OLA1: variants seen among roughly 807,000 people sequenced by gnomAD.
The protein encoded by OLA1 is obg-like ATPase 1.
Under a neutral mutation model 48.4 loss-of-function variants are expected in OLA1, and 14 were observed. That is an observed-to-expected ratio of 0.29 (90% confidence interval 0.19 to 0.45). The LOEUF (loss-of-function observed/expected upper bound fraction) is 0.45. Ranked by LOEUF, OLA1 falls within the 20% of genes least tolerant of loss-of-function variation. The pLI, the probability that OLA1 is intolerant of heterozygous loss-of-function variation, is 1.00. For missense variants in OLA1, 325 were observed against 467.1 expected, an observed-to-expected ratio of 0.70 and a Z score of 2.80; for synonymous variants, 127 against 150.4, an observed-to-expected ratio of 0.84 and a Z score of 1.14.
intron 2 of OLA1, among the ~76,000 whole-genome samples, chr2:174,229,906 T>C (rs1688691407): frequency 6.6e-6 from 1 of 152,214 alleles, no homozygotes; most frequent in Non-Finnish European, 1.5e-5. Context: ...ATGTCTGGTA[T>C]CTGATAGGAA....
At chr2:174,162,167 A>T (rs1558983612) in intron 4 of OLA1, among the ~76,000 whole-genome samples, 2 of 152,218 alleles carry the variant, frequency 1.3e-5, no homozygotes, top group African/African-American at 4.8e-5. Flanking sequence ...TACATTCAGG[A>T]CACAGAGTAA....
At chr2:174,188,723 T>C (rs1185822355) in intron 4 of OLA1, among the ~76,000 whole-genome samples, 1 of 152,188 alleles carries the variant, frequency 6.6e-6, no homozygotes, top group African/African-American at 2.4e-5. Context: ...TTCTGATGGT[T>C]TGACATATAC....
chr2:174,138,863 G>C (rs191796465), intron 5 of OLA1, among the ~76,000 whole-genome samples: 15 of 152,280 alleles, frequency 9.9e-5, no homozygotes, highest in African/African-American at 3.4e-4. Flanking sequence ...TTTTTACTCA[G>C]ATGTTTTCAG....
At chr2:174,176,865 C>T (rs895837166) in intron 4 of OLA1, among the ~76,000 whole-genome samples, 1 of 152,122 alleles carries the variant, frequency 6.6e-6, no homozygotes. Flanking sequence ...TCAAAAGATT[C>T]CCTCAATAAA....
chr2:174,172,921 A>C (rs190849507), intron 4 of OLA1, among the ~76,000 whole-genome samples: 219 of 152,172 alleles, frequency 1.4e-3, no homozygotes, highest in Admixed American at 2.2e-3. Context: ...GTTGTTTAAA[A>C]GAGAGTGGCA....
At chr2:174,155,018 G>C (rs541819266) in intron 4 of OLA1, among the ~76,000 whole-genome samples, 82 of 152,190 alleles carry the variant, frequency 5.4e-4, no homozygotes, top group Middle Eastern at 3.4e-3. Context: ...TTAATGAAAT[G>C]TCACTGAAAT....
At chr2:174,156,323 T>TA in intron 4 of OLA1, among the ~76,000 whole-genome samples, 2 of 152,142 alleles carry the variant, frequency 1.3e-5, no homozygotes, top group Middle Eastern at 6.8e-3. Context: ...ACCCCAGCTA[T>TA]AAAGATAAAA....
intron 5 of OLA1, among the ~76,000 whole-genome samples, chr2:174,141,018 G>A (rs1009637265): frequency 2.6e-5 from 4 of 152,038 alleles, no homozygotes; most frequent in South Asian, 2.1e-4. Flanking sequence ...TGCAACCTCC[G>A]CCTCCCGGGT....
intron 4 of OLA1, among the ~76,000 whole-genome samples, chr2:174,159,647 TAATA>T (rs1472368409): frequency 6.6e-6 from 1 of 152,142 alleles, no homozygotes; most frequent in African/African-American, 2.4e-5. Context: ...ACTGCTTATA[TAATA>T]AATAAAATGA....
intron 4 of OLA1, among the ~76,000 whole-genome samples, chr2:174,164,892 C>A (rs982161832): frequency 1.8e-4 from 28 of 152,140 alleles, no homozygotes; most frequent in South Asian, 6.2e-4. Flanking sequence ...AAGACTTGAA[C>A]AAAGTCAGTC....
intron 1 of OLA1, 137 bp downstream of exon 1, chr2:174,248,315 C>A: frequency 6.5e-6 from 1 of 153,352 alleles, no homozygotes. Flanking sequence ...CTCATTCATC[C>A]ACACATCCCC....
At chr2:174,105,131 AAACAAAACTTTAT>A (rs1163742827) in intron 7 of OLA1, among the ~76,000 whole-genome samples, 1 of 151,970 alleles carries the variant, frequency 6.6e-6, no homozygotes, top group Non-Finnish European at 1.5e-5. Flanking sequence ...TAAAAAGCTC[AAACAAAACTTTAT>A]AACAGACAAG....
At chr2:174,123,056 A>G (rs917436827) in intron 7 of OLA1, 124 bp downstream of exon 7, 3 of 578,440 alleles carry the variant, frequency 5.2e-6, no homozygotes, top group Non-Finnish European at 9.2e-6. Context: ...CATCCATTTT[A>G]AACTTTTTAA....
At chr2:174,224,188 T>C (rs142627916) in intron 3 of OLA1, among the ~76,000 whole-genome samples, 39 of 152,342 alleles carry the variant, frequency 2.6e-4, no homozygotes, top group Non-Finnish European at 4.3e-4. Flanking sequence ...TTGAAATTAC[T>C]TGATTATTGT....
intron 7 of OLA1, among the ~76,000 whole-genome samples, chr2:174,108,783 G>C (rs1353569952): frequency 6.6e-6 from 1 of 152,156 alleles, no homozygotes; most frequent in Non-Finnish European, 1.5e-5. Context: ...TAGGATAAAA[G>C]CACAAGGAAG....
intron 4 of OLA1, among the ~76,000 whole-genome samples, chr2:174,162,945 T>G (rs963562074): frequency 2.0e-5 from 3 of 152,122 alleles, no homozygotes; most frequent in African/African-American, 7.2e-5. Context: ...CTCAGGAGGC[T>G]GAGGTGGAGA....
chr2:174,182,171 T>C (rs2105414621), intron 4 of OLA1, among the ~76,000 whole-genome samples: 1 of 152,356 alleles, frequency 6.6e-6, no homozygotes, highest in East Asian at 1.9e-4. Flanking sequence ...GAATGCTACA[T>C]AACCATTAAA....
chr2:174,095,342 TTTTTTTTGTTG>T (rs1466709953), intron 7 of OLA1, among the ~76,000 whole-genome samples: 7 of 125,736 alleles, frequency 5.6e-5, no homozygotes, highest in Non-Finnish European at 1.3e-4. Flanking sequence ...TTTTTTTTTT[TTTTTTTTGTTG>T]TTGTTGTTGT....
At chr2:174,121,935 C>T (rs1472254891) in intron 7 of OLA1, among the ~76,000 whole-genome samples, 6 of 152,068 alleles carry the variant, frequency 3.9e-5, no homozygotes. Flanking sequence ...CCTCAGGAAA[C>T]CTTACCATTC....
Sources: gnomAD v4.1 joint callset for allele counts (sites outside exome capture counted in the v4.1 genomes callset) on GRCh38, gnomAD v4.1.1 for gene constraint, MANE v1.5 for transcripts, NCBI Gene and HGNC (gene_info 2026-07-23, HGNC 2026-07-21) for gene names.